Variants in SC5D observed in about 807,000 individuals in gnomAD.
SC5D encodes sterol-C5-desaturase, also known as lathosterol oxidase.
Under a neutral mutation model 23.9 loss-of-function variants are expected in SC5D, and 21 were observed. The observed-to-expected ratio is 0.88, with a 90% CI of 0.62 to 1.26. The LOEUF is 1.26. Ranked by LOEUF, SC5D falls within the 50% of genes most tolerant of loss-of-function variation. The probability of loss-of-function intolerance (pLI) is 0.00; values close to 1 mark genes in which losing one functional copy is unlikely to be tolerated. For synonymous variants in SC5D, 113 were observed against 125.9 expected, an observed-to-expected ratio of 0.90 and a Z score of 0.68; for missense variants, 309 against 364.8, an observed-to-expected ratio of 0.85 and a Z score of 1.25.
At chr11:121,300,105 C>T (rs1947915804) in intron 1 of SC5D, among the ~76,000 whole-genome samples, 1 of 152,164 alleles carries the variant, frequency 6.6e-6, no homozygotes, top group South Asian at 2.1e-4. Flanking sequence ...GAGTAAGAAT[C>T]TCTGAAAATC....
chr11:121,306,520 T>G (rs1442999708), intron 4 of SC5D, 34 bp downstream of exon 4: 1 of 1,039,418 alleles, frequency 9.6e-7, no homozygotes, highest in Admixed American at 1.7e-5. Flanking sequence ...AGAAAAAAGG[T>G]TACACATTTC....
intron 1 of SC5D, among the ~76,000 whole-genome samples, chr11:121,295,235 G>T (rs961714273): frequency 1.3e-5 from 2 of 152,202 alleles, no homozygotes; most frequent in African/African-American, 4.8e-5. Flanking sequence ...TGCCCAAGGT[G>T]GTCGGGGACA....
rs749675300 is a variant in SC5D at position 121,311,054 on chromosome 11, A to G, written c.*3542A>G. On this transcript the variant is annotated 3_prime_UTR_variant, in exon 5 of 5. Transcript: ENST00000264027. ...ATTTCAGCACTTACTGCTATCACCTATTACTTTTATGTGTGTCTTACCTAT... is the reference window on the plus strand; with the variant it reads ...ATTTCAGCACTTACTGCTATCACCTGTTACTTTTATGTGTGTCTTACCTAT... Among the ~76,000 whole-genome samples the G allele has an allele frequency of 6.6e-6, 1 of 152,180 alleles. No homozygotes were observed. Among genetic ancestry groups the G allele is most frequent in the Non-Finnish European group, 1.5e-5 (1 of 68,016 alleles).
Position 121,307,217 on chromosome 11 carries a change from A to G in SC5D, c.605A>G (p.Asn202Ser). 6.2e-7 allele frequency: 1 copy of G among 1,614,162 alleles called. No individual in the cohort carries two copies. Among genetic ancestry groups the G allele is most frequent in the Non-Finnish European group, 8.5e-7 (1 of 1,180,008 alleles). Reference sequence around the variant, plus strand: ...TATTTAAGTCTGTACATCTTGGTTAATATCTGGACAATTTCCATTCATGAC... The same window carrying G: ...TATTTAAGTCTGTACATCTTGGTTAGTATCTGGACAATTTCCATTCATGAC... The part of the protein sequence containing the change: ...VVYLSLYILV[N>S]IWTISIHDGD... Residue 202 changes from asparagine to serine, a missense_variant, in exon 5 of 5, where the codon AAT (asparagine) becomes AGT (serine). By Grantham distance (46) the Asn-to-Ser change is conservative. Transcript: ENST00000264027.
chr11:121,306,968 A>T, intron 4 of SC5D, 89 bp from the exon 5 acceptor site: 1 of 1,069,452 alleles, frequency 9.4e-7, no homozygotes, highest in Non-Finnish European at 1.5e-6. Context: ...AGGATTTGTT[A>T]GGTTGTTTCC....
rs1460937550 is a variant in SC5D, at chr11:121,312,186, A to G, written c.*4674A>G. ...CTTGAAAAGCAGAATAAATTTTTTA[A>G]AGGCAGGAAGGAAGTGTTTGAACCA... On this transcript the variant is annotated 3_prime_UTR_variant, in exon 5 of 5. Coordinates refer to ENST00000264027, the MANE Select transcript of SC5D (RefSeq NM_006918.5). Among the ~76,000 whole-genome samples, 2 of 152,218 alleles carry G rather than the reference A, an allele frequency of 1.3e-5. No homozygotes were observed. The highest frequency in any genetic ancestry group is 4.8e-5 in the African/African-American group (2 of 41,470).
chr11:121,294,377 CA>C (rs1413189705), intron 1 of SC5D, among the ~76,000 whole-genome samples: 2 of 152,086 alleles, frequency 1.3e-5, no homozygotes, highest in Non-Finnish European at 2.9e-5. Flanking sequence ...ACGTACTTTG[CA>C]ACTAGATTGT....
Position 121,307,065 on chromosome 11 carries a change from T to A in SC5D, c.453T>A (p.His151Gln). ...GTCCTTTTCTCCTGCAGCGCCTACA[T>A]AAACCTCACCATATTTGGAAGATTC... is the stretch of plus-strand genomic sequence containing the variant. ...LHHRLVYKRL[H>Q]KPHHIWKIPT... The change falls in exon 5 of 5, where the codon CAT (histidine) becomes CAA (glutamine). Residue 151 changes from histidine (H) to glutamine (Q), a missense_variant. Coordinates refer to ENST00000264027, the MANE Select transcript of SC5D (RefSeq NM_006918.5). 6.2e-7 allele frequency: 1 copy of A among 1,614,138 alleles called. No homozygotes were observed. The highest frequency in any genetic ancestry group is 8.5e-7 in the Non-Finnish European group (1 of 1,179,960).
Position 121,307,702 on chromosome 11 carries a change from A to G in SC5D, c.*190A>G. The G allele has an allele frequency of 1.8e-6, 1 of 544,758 alleles. No individual in the cohort carries two copies. Among genetic ancestry groups the G allele is most frequent in the Admixed American group, 3.5e-5 (1 of 28,626 alleles). 33.7% of individuals were successfully genotyped at this position (544,758 alleles called of 1,614,324 possible). On this transcript the variant is annotated 3_prime_UTR_variant, in exon 5 of 5. Transcript: ENST00000264027. ...GTCAGAAGAAGATGCTGTGAACACC[A>G]GGACTTTAATCTTATGCTTAAAATG... is the stretch of plus-strand genomic sequence containing the variant.
rs1259701776 is a variant in SC5D at position 121,311,429 on chromosome 11, T to G, written c.*3917T>G. ...TACATCAAGGATAAACTATCTTTTT[T>G]TAGTCACTCAAAGTCATAACCCTTT... On this transcript the variant is annotated 3_prime_UTR_variant, in exon 5 of 5. Coordinates refer to ENST00000264027, the MANE Select transcript of SC5D (RefSeq NM_006918.5). Among the ~76,000 whole-genome samples the G allele has an allele frequency of 6.6e-6, 1 of 152,226 alleles. No homozygotes were observed. Among genetic ancestry groups the G allele is most frequent in the Non-Finnish European group, 1.5e-5 (1 of 68,038 alleles).
At chr11:121,306,864 C>G in intron 4 of SC5D, 193 bp from the exon 5 acceptor site, 1 of 668,568 alleles carries the variant, frequency 1.5e-6, no homozygotes, top group Non-Finnish European at 2.7e-6. Context: ...CCATGGAACA[C>G]CACTGCACTT....
Position 121,313,318 on chromosome 11 carries a change from C to CTAT in SC5D, c.*5806_*5807insTAT, listed in dbSNP as rs1423959377. On this transcript the variant is annotated 3_prime_UTR_variant, in exon 5 of 5. Coordinates refer to ENST00000264027, the MANE Select transcript of SC5D (RefSeq NM_006918.5). ...CTGAATAGTATTTCATTGTAATATACCACAGTTGGTTTATGTATTTGCTGA... is the reference window on the plus strand; with the variant it reads ...CTGAATAGTATTTCATTGTAATATACTATCACAGTTGGTTTATGTATTTGCTGA... Among the ~76,000 whole-genome samples the CTAT allele has an allele frequency of 6.6e-6, 1 of 152,132 alleles. No individual in the cohort carries two copies. Among genetic ancestry groups the CTAT allele is most frequent in the East Asian group, 1.9e-4 (1 of 5,184 alleles).
chr11:121,294,995 A>G (rs893928347), intron 1 of SC5D, among the ~76,000 whole-genome samples: 5 of 152,168 alleles, frequency 3.3e-5, no homozygotes, highest in African/African-American at 9.7e-5. Flanking sequence ...TTCAACTACT[A>G]CCTGTATACT....
In SC5D at chr11:121,307,326, T is replaced by C. The variant is rs1487855864; in HGVS notation, c.714T>C (p.Tyr238=). 1 of 1,614,198 alleles carries C rather than the reference T, an allele frequency of 6.2e-7. No homozygotes were observed. Among genetic ancestry groups the C allele is most frequent in the South Asian group, 1.1e-5 (1 of 91,082 alleles). ...HHTDHHMFFD[Y]NYGQYFTLWD... ...CAGACCACCATATGTTCTTTGACTA[T>C]AATTATGGACAATATTTCACTTTGT... Residue 238 remains tyrosine, a synonymous_variant, in exon 5 of 5, where the codon TAT becomes TAC. Coordinates refer to ENST00000264027, the MANE Select transcript of SC5D (RefSeq NM_006918.5).
intron 1 of SC5D, among the ~76,000 whole-genome samples, chr11:121,301,577 C>T (rs1372796189): frequency 6.6e-6 from 1 of 152,016 alleles, no homozygotes; most frequent in African/African-American, 2.4e-5. Flanking sequence ...TGGCCCCAGA[C>T]TCACCAAATT....
chr11:121,312,661 T>C lies in SC5D; in HGVS notation c.*5149T>C, dbSNP rs1684566411. On this transcript the variant is annotated 3_prime_UTR_variant, in exon 5 of 5. Transcript: ENST00000264027. ...ATTCATTTCTTGAATAATTTTGTTA[T>C]ATCTTCCTCTTTTAGGCTGCAATGA... Among the ~76,000 whole-genome samples the C allele has an allele frequency of 6.6e-6, 1 of 152,178 alleles. No individual in the cohort carries two copies. Among genetic ancestry groups the C allele is most frequent in the South Asian group, 2.1e-4 (1 of 4,836 alleles).
chr11:121,293,445 GTAAT>G (rs1357001421), intron 1 of SC5D, among the ~76,000 whole-genome samples: 2 of 152,180 alleles, frequency 1.3e-5, no homozygotes, highest in African/African-American at 4.8e-5. Context: ...TTGCTGCGGC[GTAAT>G]TAGAATGAAG....
intron 1 of SC5D, among the ~76,000 whole-genome samples, chr11:121,297,364 G>C (rs781012535): frequency 6.6e-6 from 1 of 152,162 alleles, no homozygotes; most frequent in Non-Finnish European, 1.5e-5. Flanking sequence ...ACATAATTCA[G>C]TTGAACTCAC....
At chr11:121,299,650 G>A (rs961612699) in intron 1 of SC5D, among the ~76,000 whole-genome samples, 4 of 152,194 alleles carry the variant, frequency 2.6e-5, no homozygotes, top group Admixed American at 2.6e-4. Flanking sequence ...AGCACTTTGG[G>A]AGGCTGAGGT....
Sources: gnomAD v4.1 joint callset for allele counts (sites outside exome capture counted in the v4.1 genomes callset) on GRCh38, gnomAD v4.1.1 for gene constraint, MANE v1.5 for transcripts, NCBI Gene and HGNC (gene_info 2026-07-23, HGNC 2026-07-21) for gene names.